Variants in LRMDA observed in about 807,000 individuals in gnomAD.
LRMDA encodes leucine-rich melanocyte differentiation-associated protein.
In LRMDA, 18 loss-of-function variants were observed where a neutral mutation model predicts 29.8. The ratio of observed to expected loss-of-function variants is 0.60; its 90% CI spans 0.42 to 0.90. LRMDA has a LOEUF of 0.90. LRMDA is among the 40% of genes least tolerant of loss of function. LRMDA has a pLI of 0.00. For synonymous variants in LRMDA, 125 were observed against 109.4 expected, an observed-to-expected ratio of 1.14 and a Z score of -0.89; for missense variants, 273 against 273.9, an observed-to-expected ratio of 1.00 and a Z score of 0.02.
intron 2 of LRMDA, among the ~76,000 whole-genome samples, chr10:75,756,214 T>C (rs1186023208): frequency 6.6e-6 from 1 of 152,240 alleles, no homozygotes; most frequent in African/African-American, 2.4e-5. Context: ...TGTAACTGTT[T>C]CCTTGCAACT....
At chr10:75,968,242 C>A (rs993975443) in intron 2 of LRMDA, among the ~76,000 whole-genome samples, 3 of 151,994 alleles carry the variant, frequency 2.0e-5, no homozygotes. Flanking sequence ...ACAGAGGGAC[C>A]CTTCCGGAGG....
intron 2 of LRMDA, among the ~76,000 whole-genome samples, chr10:75,458,324 A>G (rs1844544301): frequency 6.6e-6 from 1 of 152,076 alleles, no homozygotes; most frequent in African/African-American, 2.4e-5. Flanking sequence ...TGGTTTTGCA[A>G]AGTTAGGGCT....
intron 2 of LRMDA, among the ~76,000 whole-genome samples, chr10:75,896,885 G>A (rs1260336776): frequency 6.7e-6 from 1 of 148,968 alleles, no homozygotes; most frequent in African/African-American, 2.5e-5. Context: ...GAGAATATTA[G>A]TAGCCTAAAG....
At chr10:75,463,033 T>C (rs1374826850) in intron 2 of LRMDA, among the ~76,000 whole-genome samples, 1 of 152,276 alleles carries the variant, frequency 6.6e-6, no homozygotes, top group East Asian at 1.9e-4. Context: ...TCTGGACACC[T>C]GAGGCTCCGT....
intron 6 of LRMDA, among the ~76,000 whole-genome samples, chr10:76,493,555 G>A (rs1395092984): frequency 1.3e-5 from 2 of 152,146 alleles, no homozygotes; most frequent in East Asian, 1.9e-4. Flanking sequence ...ACGTATACAT[G>A]TGAGTATATT....
intron 3 of LRMDA, among the ~76,000 whole-genome samples, chr10:76,036,736 A>G (rs1222928869): frequency 6.6e-6 from 1 of 152,078 alleles, no homozygotes; most frequent in Admixed American, 6.6e-5. Context: ...TCCTCTATGG[A>G]GGCAAGGACC....
At chr10:76,107,582 A>G (rs1849507506) in intron 5 of LRMDA, among the ~76,000 whole-genome samples, 1 of 152,110 alleles carries the variant, frequency 6.6e-6, no homozygotes, top group African/African-American at 2.4e-5. Context: ...AGGAGAAGAG[A>G]GCAATGAACC....
chr10:75,836,414 A>T (rs547010099), intron 2 of LRMDA, among the ~76,000 whole-genome samples: 157 of 152,282 alleles, frequency 1.0e-3, no homozygotes, highest in African/African-American at 3.7e-3. Flanking sequence ...TCAGAAGAGG[A>T]TATTTAGTTT....
intron 6 of LRMDA, among the ~76,000 whole-genome samples, chr10:76,409,221 A>G (rs1233352670): frequency 2.0e-5 from 3 of 152,002 alleles, no homozygotes; most frequent in Admixed American, 2.0e-4. Flanking sequence ...TTTTCCTTTG[A>G]GCTTTTTGGT....
intron 2 of LRMDA, among the ~76,000 whole-genome samples, chr10:75,729,574 G>C (rs1006197302): frequency 2.0e-5 from 3 of 152,202 alleles, no homozygotes; most frequent in Non-Finnish European, 4.4e-5. Context: ...TAGTTTCTTG[G>C]TGTGGGAAGG....
intron 6 of LRMDA, among the ~76,000 whole-genome samples, chr10:76,546,563 A>G (rs1843423478): frequency 6.6e-6 from 1 of 152,166 alleles, no homozygotes. Flanking sequence ...TGTGAGGGCC[A>G]TTTTATACTT....
At chr10:76,001,900 C>T (rs902549574) in intron 2 of LRMDA, among the ~76,000 whole-genome samples, 1 of 152,062 alleles carries the variant, frequency 6.6e-6, no homozygotes, top group Non-Finnish European at 1.5e-5. Flanking sequence ...GTTGGAAAAC[C>T]TCTTCTAAAA....
At chr10:75,518,999 T>C (rs1420332557) in intron 2 of LRMDA, among the ~76,000 whole-genome samples, 2 of 152,208 alleles carry the variant, frequency 1.3e-5, no homozygotes, top group South Asian at 2.1e-4. Context: ...TCAGTTTCCA[T>C]GTAGTTGTGG....
intron 2 of LRMDA, among the ~76,000 whole-genome samples, chr10:75,468,800 C>T (rs74147490): frequency 0.04 from 6,084 of 152,050 alleles, 386 homozygotes; most frequent in African/African-American, 0.14. Flanking sequence ...TGGCGGCCGT[C>T]CAGCCTGTGG....
intron 5 of LRMDA, among the ~76,000 whole-genome samples, chr10:76,107,385 C>T (rs569295426): frequency 1.0e-3 from 156 of 152,288 alleles, no homozygotes; most frequent in African/African-American, 3.5e-3. Flanking sequence ...TCAGAACCAG[C>T]GGCTTAGATG....
chr10:75,790,441 T>C (rs1479685332), intron 2 of LRMDA, among the ~76,000 whole-genome samples: 1 of 152,208 alleles, frequency 6.6e-6, no homozygotes, highest in Admixed American at 6.5e-5. Flanking sequence ...TAAAATTATT[T>C]TTGTGGAAAG....
At chr10:75,541,991 G>A (rs1052789959) in intron 2 of LRMDA, among the ~76,000 whole-genome samples, 3 of 152,090 alleles carry the variant, frequency 2.0e-5, no homozygotes, top group African/African-American at 7.2e-5. Flanking sequence ...TTTCCCTTTT[G>A]TATGTCAGCT....
At chr10:75,603,924 G>A (rs1000593353) in intron 2 of LRMDA, among the ~76,000 whole-genome samples, 1 of 152,164 alleles carries the variant, frequency 6.6e-6, no homozygotes, top group Non-Finnish European at 1.5e-5. Context: ...TATCAGCTGA[G>A]CTCTTAGAAA....
At chr10:75,781,509 A>G (rs931394747) in intron 2 of LRMDA, among the ~76,000 whole-genome samples, 1 of 152,222 alleles carries the variant, frequency 6.6e-6, no homozygotes, top group Non-Finnish European at 1.5e-5. Flanking sequence ...TTTGTGGAGA[A>G]CAACAATAAC....
Sources: gnomAD v4.1 joint callset for allele counts (sites outside exome capture counted in the v4.1 genomes callset) on GRCh38, gnomAD v4.1.1 for gene constraint, MANE v1.5 for transcripts, NCBI Gene and HGNC (gene_info 2026-07-23, HGNC 2026-07-21) for gene names.